ERLIN1: variants seen among roughly 807,000 people sequenced by gnomAD.
ERLIN1 encodes ER lipid raft associated 1.
ERLIN1 carries 24 observed loss-of-function variants against 46.9 expected under a neutral mutation model. The observed-to-expected ratio is 0.51, with a 90% CI of 0.37 to 0.72. The LOEUF is 0.72. Among genes scored for constraint, ERLIN1 ranks in the 30% least tolerant of loss-of-function variants. The pLI is 0.00. For synonymous variants in ERLIN1, 158 were observed against 143.2 expected (o/e 1.10, Z -0.74); for missense variants, 293 against 417.9 (o/e 0.70, Z 2.61).
intron 7 of ERLIN1, among the ~76,000 whole-genome samples, chr10:100,166,000 A>G (rs2134133377): frequency 6.6e-6 from 1 of 152,362 alleles, no homozygotes; most frequent in East Asian, 1.9e-4. Context: ...TGCTATGATT[A>G]TAGGCATAAG....
At chr10:100,185,305 G>A (rs1268619909) in intron 1 of ERLIN1, among the ~76,000 whole-genome samples, 4 of 152,116 alleles carry the variant, frequency 2.6e-5, no homozygotes, top group African/African-American at 9.7e-5. Flanking sequence ...ACCGTAGGGA[G>A]ACTTAATCTC....
chr10:100,154,969 T>C, intron 9 of ERLIN1, 30 bp from the exon 10 acceptor site: 3 of 1,556,286 alleles, frequency 1.9e-6, no homozygotes, highest in Non-Finnish European at 2.7e-6. Flanking sequence ...AAGGTGTCAA[T>C]CCATTCCCTC....
At position 100,179,256 on chromosome 10, in the gene ERLIN1, GA is replaced by G; in HGVS notation, c.196-10del. 6.3e-7 allele frequency: 1 copy of G among 1,585,786 alleles called. No individual in the cohort carries two copies. Among genetic ancestry groups the G allele is most frequent in the Non-Finnish European group, 8.6e-7 (1 of 1,163,328 alleles). On this transcript the variant is annotated splice_polypyrimidine_tract_variant and intron_variant, in intron 2 of 10. Coordinates refer to ENST00000421367, the MANE Select transcript of ERLIN1 (RefSeq NM_006459.4). ...TCAGTTTGTAGTGTTGTCTAGGGAG[GA>G]AAAGATATCTCATCAACACTCAAGA...
Position 100,170,130 on chromosome 10 carries a change from G to T in ERLIN1, c.505-2724C>A, listed in dbSNP as rs575003376. 2.6e-5 allele frequency among the ~76,000 whole-genome samples: 4 copies of T among 152,238 alleles called. No individual in the cohort carries two copies. The East Asian group carries it at 7.7e-4, about 29-fold the overall frequency. On this transcript the variant is annotated intron_variant, in intron 6 of 10. Transcript: ENST00000421367. ...AGATTAAGCTGGCAGAAACAGCAAA[G>T]GCCATTATTTTTTAAAAGATGATGT...
intron 1 of ERLIN1, among the ~76,000 whole-genome samples, chr10:100,184,736 A>T (rs1288160192): frequency 6.6e-6 from 1 of 152,226 alleles, no homozygotes; most frequent in African/African-American, 2.4e-5. Context: ...ATCTGCTAAG[A>T]TATACCATTA....
intron 6 of ERLIN1, among the ~76,000 whole-genome samples, chr10:100,169,021 G>A (rs1285691914): frequency 1.3e-5 from 2 of 152,102 alleles, no homozygotes; most frequent in African/African-American, 2.4e-5. Context: ...TGCTGAATGA[G>A]GCTGAAGAAC....
intron 7 of ERLIN1, among the ~76,000 whole-genome samples, chr10:100,165,770 G>C (rs1843604215): frequency 6.6e-6 from 1 of 152,056 alleles, no homozygotes. Flanking sequence ...CTTTTGCCCA[G>C]GTTGGAGTGC....
chr10:100,163,989 G>C lies in ERLIN1; in HGVS notation c.655+15C>G, dbSNP rs1843499211. The C allele has an allele frequency of 6.5e-7, 1 of 1,536,612 alleles. No homozygotes were observed. Among genetic ancestry groups the C allele is most frequent in the Non-Finnish European group, 9.0e-7 (1 of 1,111,432 alleles). ...AATGTACTTAGAGACAATCATTTCA[G>C]AGAAATCCAAGTACCTATAACTGCC... On this transcript the variant is annotated intron_variant, in intron 8 of 10. Transcript: ENST00000421367.
At position 100,185,638 on chromosome 10, in the gene ERLIN1, C is replaced by CGATCAG; in HGVS notation, c.-13_-12insCTGATC. 1 of 1,610,598 alleles carries CGATCAG rather than the reference C, an allele frequency of 6.2e-7. No homozygotes were observed. Among genetic ancestry groups the CGATCAG allele is most frequent in the Non-Finnish European group, 8.5e-7 (1 of 1,176,748 alleles). Reference sequence around the variant, plus strand: ...TGAGTCATATTCATTCTCGTTCCTCCTGGGAGCGGGAGAAAAGGACCCTCA... The same window carrying CGATCAG: ...TGAGTCATATTCATTCTCGTTCCTCCGATCAGTGGGAGCGGGAGAAAAGGACCCTCA... On this transcript the variant is annotated 5_prime_UTR_variant, in exon 1 of 11. Coordinates refer to ENST00000421367, the MANE Select transcript of ERLIN1 (RefSeq NM_006459.4).
chr10:100,171,183 C>T (rs10883452), intron 6 of ERLIN1, among the ~76,000 whole-genome samples: 15,434 of 151,922 alleles, frequency 0.1, 1,038 homozygotes, highest in East Asian at 0.33. Context: ...AGCAACACAC[C>T]ATAAAGACAA....
chr10:100,169,614 C>A (rs1158974976), intron 6 of ERLIN1, among the ~76,000 whole-genome samples: 6 of 145,008 alleles, frequency 4.1e-5, no homozygotes, highest in Non-Finnish European at 7.5e-5. Context: ...TCACATTCCT[C>A]AATGATTAAA....
intron 7 of ERLIN1, among the ~76,000 whole-genome samples, 156 bp from the exon 8 acceptor site, chr10:100,164,251 T>C (rs1311304910): frequency 6.6e-6 from 1 of 152,210 alleles, no homozygotes; most frequent in African/African-American, 2.4e-5. Context: ...TTATTTTACT[T>C]ATAATAAATC....
intron 4 of ERLIN1, 44 bp downstream of exon 4, chr10:100,178,089 C>T: frequency 8.2e-7 from 1 of 1,216,102 alleles, no homozygotes; most frequent in Non-Finnish European, 1.2e-6. Context: ...GCTATAAATC[C>T]TCTGGCTATA....
chr10:100,179,145 G>T (rs1844485587), intron 3 of ERLIN1, 56 bp downstream of exon 3: 2 of 1,324,288 alleles, frequency 1.5e-6, no homozygotes, highest in Non-Finnish European at 1.1e-6. Context: ...CATAGCTGTA[G>T]GAACAGAAAC....
In ERLIN1 at chr10:100,185,799, C is replaced by A; in HGVS notation, c.-173G>T. On this transcript the variant is annotated 5_prime_UTR_variant, in exon 1 of 11. Transcript: ENST00000421367. ...TTCCCTTCTGGCTGAGCCCGCTGAC[C>A]CCTTGCCAACTCCTCCGCCCCCGGA... 3.3e-6 allele frequency: 2 copies of A among 600,976 alleles called. No homozygotes were observed. Among genetic ancestry groups the A allele is most frequent in the Non-Finnish European group, 6.0e-6 (2 of 336,130 alleles). The allele number at this position is 600,976 out of a possible 1,614,324, so 37.2% of individuals were successfully genotyped here. A position where few individuals can be genotyped will look rare whatever the true frequency, so the allele number is the denominator to read the frequency against.
At chr10:100,176,414 A>C (rs1005730504) in intron 4 of ERLIN1, among the ~76,000 whole-genome samples, 2 of 152,204 alleles carry the variant, frequency 1.3e-5, no homozygotes, top group African/African-American at 4.8e-5. Context: ...TTTGGCCAGC[A>C]GTGTGAAGAT....
At chr10:100,173,597 G>A (rs974924058) in intron 6 of ERLIN1, among the ~76,000 whole-genome samples, 12 of 151,940 alleles carry the variant, frequency 7.9e-5, no homozygotes, top group African/African-American at 2.9e-4. Context: ...ATTTCCCAAC[G>A]TCACCATCAC....
chr10:100,176,149 A>G (rs757056195), intron 4 of ERLIN1, 79 bp from the exon 5 acceptor site: 88 of 1,305,906 alleles, frequency 6.7e-5, no homozygotes, highest in Non-Finnish European at 9.0e-5. Context: ...GGTAAAAGTC[A>G]GGGTGATATA....
At position 100,163,451 on chromosome 10, in the gene ERLIN1, C is replaced by T. The variant is rs569340374; in HGVS notation, c.655+553G>A. Among the ~76,000 whole-genome samples the T allele has an allele frequency of 4.5e-4, 68 of 151,174 alleles. 2 individuals carry two copies. The South Asian group carries it at 0.014, about 31-fold the overall frequency. On this transcript the variant is annotated intron_variant, in intron 8 of 10. Coordinates refer to ENST00000421367, the MANE Select transcript of ERLIN1 (RefSeq NM_006459.4). ...TTCATTATATTGTTCTCTGTACATT[C>T]CTCTATAATTGAATTATTTAATTAA...
Sources: allele counts gnomAD v4.1 joint callset (sites outside exome capture counted in the v4.1 genomes callset), GRCh38; gene constraint gnomAD v4.1.1; transcripts MANE v1.5; gene names NCBI Gene and HGNC (gene_info 2026-07-23, HGNC 2026-07-21).